MACF1: variants seen among roughly 807,000 people sequenced by gnomAD.
MACF1 encodes microtubule-actin cross-linking factor 1.
In MACF1, 193 loss-of-function variants were observed where a neutral mutation model predicts 854.8. The observed-to-expected ratio is 0.23, with a 90% CI of 0.20 to 0.25. MACF1 has a LOEUF of 0.25. Ranked by LOEUF, MACF1 falls within the 10% of genes least tolerant of loss-of-function variation. The pLI is 1.00. For missense variants in MACF1, 7,722 were observed against 8,929.1 expected (o/e 0.86, Z 5.45); for synonymous variants, 3,185 against 3,226.7 (o/e 0.99, Z 0.44).
intron 90 of MACF1, 185 bp downstream of exon 90, chr1:39,458,675 TTTGGTATGA>T (rs1410380296): frequency 2.9e-6 from 2 of 693,318 alleles, no homozygotes; most frequent in African/African-American, 3.6e-5. Context: ...CTCCATATTC[TTTGGTATGA>T]TTGGTATGAA....
rs139563893 is a variant in MACF1 at position 39,442,908 on chromosome 1, G to A, written c.19299G>A (p.Gln6433=). The A allele has an allele frequency of 1.1e-3, 1,717 of 1,613,064 alleles. 18 individuals are homozygous for A. In the African/African-American group the frequency reaches 0.02, roughly 19 times the overall value. The change falls in exon 78 of 101, where the codon CAG becomes CAA. Residue 6433 remains glutamine, a synonymous_variant. Transcript: ENST00000564288. ...AGCAGCAGCTTCAGTCAACTCTGCAGCAGGTACATGTGACATCCAAGTAAG... is the reference window on the plus strand; with the variant it reads ...AGCAGCAGCTTCAGTCAACTCTGCAACAGGTACATGTGACATCCAAGTAAG... ...EREQQLQSTL[Q]QAQGFHSEIE... is the part of the protein sequence containing the mutation.
chr1:39,430,060 A>G lies in MACF1; in HGVS notation c.17122A>G (p.Arg5708Gly). The change falls in exon 65 of 101, where the codon AGA becomes GGA. Residue 5708 changes from arginine to glycine, a missense_variant. Coordinates refer to ENST00000564288, the MANE Select transcript of MACF1 (RefSeq NM_001394062.1). ...TGEQIPQFQQ[R>G]QKELKKEVME... ...GGAACAGATACCCCAGTTTCAGCAG[A>G]GACAGAAGGTGAGCTGTTACTTTAC... The G allele has an allele frequency of 3.7e-6, 6 of 1,613,504 alleles. No individual in the cohort carries two copies. Among genetic ancestry groups the G allele is most frequent in the Non-Finnish European group, 5.1e-6 (6 of 1,179,640 alleles).
At chr1:39,257,313 T>C (rs1235531706) in intron 5 of MACF1, among the ~76,000 whole-genome samples, 1 of 151,142 alleles carries the variant, frequency 6.6e-6, no homozygotes, top group African/African-American at 2.4e-5. Flanking sequence ...GACAGTTTCT[T>C]TTTTTTTGAG....
chr1:39,436,396 G>T, intron 70 of MACF1: 1 of 1,389,446 alleles, frequency 7.2e-7, no homozygotes. Context: ...ATTGTGGAAT[G>T]TGTTACTTTG....
intron 6 of MACF1, among the ~76,000 whole-genome samples, chr1:39,259,727 A>AT (rs1306880216): frequency 6.6e-6 from 1 of 151,610 alleles, no homozygotes; most frequent in Non-Finnish European, 1.5e-5. Flanking sequence ...GGTTCAAGAG[A>AT]TTCTCCTGCT....
At position 39,413,051 on chromosome 1, in the gene MACF1, C is replaced by T. The variant is rs1329095103; in HGVS notation, c.15817-9323C>T. On this transcript the variant is annotated intron_variant, in intron 58 of 100. Transcript: ENST00000564288. ...GCTGCAGTTGCTGCAGTGTCCTCCC[C>T]AGAGGAGACTGCTCCAGCTGTTGCA... 5.6e-6 allele frequency: 9 copies of T among 1,593,864 alleles called. No individual in the cohort carries two copies. The highest frequency in any genetic ancestry group is 7.7e-6 in the Non-Finnish European group (9 of 1,169,798).
chr1:39,351,152 T>A, intron 43 of MACF1, 134 bp downstream of exon 43: 1 of 652,260 alleles, frequency 1.5e-6, no homozygotes. Flanking sequence ...CAGGAGCTAG[T>A]CTGGTTTTTG....
intron 2 of MACF1, among the ~76,000 whole-genome samples, chr1:39,111,633 G>A (rs6691610): frequency 0.4 from 61,006 of 151,732 alleles, 13,009 homozygotes; most frequent in East Asian, 0.67. Context: ...TGCCCGCCTC[G>A]GCCTCCCAAA....
chr1:39,235,377 C>G (rs996811420), intron 2 of MACF1, among the ~76,000 whole-genome samples: 4 of 149,828 alleles, frequency 2.7e-5, no homozygotes, highest in Non-Finnish European at 4.5e-5. Flanking sequence ...AGCCTGCAAT[C>G]GCAGGCACTC....
At chr1:39,313,206 G>A (rs1446139194) in intron 26 of MACF1, among the ~76,000 whole-genome samples, 3 of 152,172 alleles carry the variant, frequency 2.0e-5, no homozygotes, top group Non-Finnish European at 4.4e-5. Flanking sequence ...CTGCAGAAGT[G>A]ATACTGTGTC....
upstream of MACF1, among the ~76,000 whole-genome samples, chr1:39,200,994 GC>G (rs996184092): frequency 4.3e-4 from 66 of 152,032 alleles, 3 homozygotes; most frequent in South Asian, 0.012. Flanking sequence ...TTTCTACCCT[GC>G]CCCCCCAAAA....
chr1:39,305,641 G>A (rs1237850321), intron 23 of MACF1, among the ~76,000 whole-genome samples: 2 of 152,166 alleles, frequency 1.3e-5, no homozygotes, highest in African/African-American at 4.8e-5. Context: ...ATTAGTACAT[G>A]TGTTGTTTAA....
At chr1:39,429,435 C>T (rs1643828432) in intron 64 of MACF1, 109 bp downstream of exon 64, 1 of 675,534 alleles carries the variant, frequency 1.5e-6, no homozygotes, top group Non-Finnish European at 2.6e-6. Flanking sequence ...ATATGAGAAG[C>T]TTAGTATTCA....
At chr1:39,413,966 C>A in intron 58 of MACF1, 1 of 1,606,934 alleles carries the variant, frequency 6.2e-7, no homozygotes, top group Non-Finnish European at 8.5e-7. Flanking sequence ...CTAGCAGCTG[C>A]AGTGTCCAAC....
chr1:39,269,745 A>T (rs372848877), intron 6 of MACF1: 1 of 1,273,704 alleles, frequency 7.9e-7, no homozygotes. Context: ...TCAAGAGATA[A>T]TCAAACTGCT....
intron 2 of MACF1, among the ~76,000 whole-genome samples, chr1:39,179,384 G>A (rs1644074747): frequency 6.6e-6 from 1 of 152,158 alleles, no homozygotes; most frequent in African/African-American, 2.4e-5. Context: ...GAATGCCATT[G>A]AACTAGTGGA....
intron 23 of MACF1, among the ~76,000 whole-genome samples, chr1:39,305,474 A>C (rs1410068791): frequency 6.6e-6 from 1 of 151,962 alleles, no homozygotes; most frequent in Non-Finnish European, 1.5e-5. Context: ...TTTTCCTGCT[A>C]TTTCCTTGTT....
chr1:39,271,694 T>C (rs977542004), intron 6 of MACF1, among the ~76,000 whole-genome samples: 6 of 152,192 alleles, frequency 3.9e-5, no homozygotes, highest in Admixed American at 6.5e-5. Context: ...TGAAATTGTG[T>C]AGTCATCATA....
intron 2 of MACF1, among the ~76,000 whole-genome samples, chr1:39,096,944 T>A (rs1302488055): frequency 6.8e-6 from 1 of 146,966 alleles, no homozygotes; most frequent in East Asian, 2.0e-4. Flanking sequence ...TGGTGTGATC[T>A]CGGCTCACTG....
Sources: gnomAD v4.1 joint callset for allele counts (sites outside exome capture counted in the v4.1 genomes callset) on GRCh38, gnomAD v4.1.1 for gene constraint, MANE v1.5 for transcripts, NCBI Gene and HGNC (gene_info 2026-07-23, HGNC 2026-07-21) for gene names.